Variants in PPP2R1A observed in about 807,000 individuals in gnomAD.
PPP2R1A encodes serine/threonine-protein phosphatase 2A 65 kDa regulatory subunit A alpha isoform.
In PPP2R1A, 15 loss-of-function variants were observed where a neutral mutation model predicts 67.1. The ratio of observed to expected loss-of-function variants is 0.22; its 90% CI spans 0.15 to 0.34. The LOEUF (loss-of-function observed/expected upper bound fraction) is 0.34. Ranked by LOEUF, PPP2R1A falls within the 10% of genes least tolerant of loss-of-function variation. The pLI, the probability that PPP2R1A is intolerant of heterozygous loss-of-function variation, is 1.00. For missense variants in PPP2R1A, 369 were observed against 775.0 expected (o/e 0.48, Z 6.22); for synonymous variants, 337 against 325.0 (o/e 1.04, Z -0.40).
chr19:52,216,381 T>G lies in PPP2R1A; in HGVS notation c.994-148T>G, dbSNP rs1272260914. The G allele has an allele frequency of 9.2e-7, 1 of 1,087,376 alleles. No individual in the cohort carries two copies. Among genetic ancestry groups the G allele is most frequent in the Non-Finnish European group, 1.3e-6 (1 of 764,732 alleles). The allele number at this position is 1,087,376 out of a possible 1,614,324, so 67.4% of individuals were successfully genotyped here. On this transcript the variant is annotated intron_variant, in intron 8 of 14. Coordinates refer to ENST00000322088, the MANE Select transcript of PPP2R1A (RefSeq NM_014225.6). This position sits in a 1 kb window ranked among gnomAD's most constrained non-coding sequence, Gnocchi z 4.3. Reference sequence around the variant, plus strand: ...AGTAGGTGGTACTCATAAGGAATAGTGATTTCCCCTGTACCCTAAGCCATC... The same window carrying G: ...AGTAGGTGGTACTCATAAGGAATAGGGATTTCCCCTGTACCCTAAGCCATC...
chr19:52,216,825 C>G lies in PPP2R1A; in HGVS notation c.1128+162C>G, dbSNP rs552792137. Among the ~76,000 whole-genome samples the G allele has an allele frequency of 6.6e-6, 1 of 152,186 alleles. No individual in the cohort carries two copies. The highest frequency in any genetic ancestry group is 2.4e-5 in the African/African-American group (1 of 41,446). On this transcript the variant is annotated intron_variant, in intron 9 of 14. Transcript: ENST00000322088. This position sits in a 1 kb window ranked among gnomAD's most constrained non-coding sequence, Gnocchi z 4.3. ...TTGTGGGCATAGCTGTGTGTTCATG[C>G]GTTCATTCCTCCAGGCACTCTTCAT... is the stretch of plus-strand genomic sequence containing the variant.
At chr19:52,207,274 G>C (rs745849923) in intron 3 of PPP2R1A, among the ~76,000 whole-genome samples, 7 of 152,130 alleles carry the variant, frequency 4.6e-5, no homozygotes, top group Non-Finnish European at 7.4e-5. Context: ...GCCCCTGCCT[G>C]GTATTTGTCA....
intron 1 of PPP2R1A, among the ~76,000 whole-genome samples, chr19:52,192,036 A>G (rs922351163): frequency 6.6e-6 from 1 of 152,164 alleles, no homozygotes; most frequent in African/African-American, 2.4e-5. Context: ...GGGGATAAGC[A>G]TTAGGGAGAC....
intron 3 of PPP2R1A, among the ~76,000 whole-genome samples, chr19:52,206,852 T>C (rs1016077677): frequency 5.3e-5 from 8 of 152,164 alleles, no homozygotes; most frequent in African/African-American, 1.9e-4. Context: ...CCACTGCTGC[T>C]GCCTCTGCCT....
chr19:52,214,474 A>G (rs1401653921), intron 6 of PPP2R1A, among the ~76,000 whole-genome samples: 2 of 152,226 alleles, frequency 1.3e-5, no homozygotes, highest in Non-Finnish European at 2.9e-5. Context: ...TAAAAATTCC[A>G]TGAGGGCAGG....
intron 1 of PPP2R1A, chr19:52,200,946 A>ACATAACTT (rs2089541558): frequency 1.3e-5 from 2 of 148,264 alleles, no homozygotes; most frequent in African/African-American, 5.1e-5. Flanking sequence ...ACGTCACTGG[A>ACATAACTT]TTCAAGGCTA....
At position 52,226,729 on chromosome 19, in the gene PPP2R1A, G is replaced by A. The variant is rs543587224; in HGVS notation, c.*748G>A. Reference sequence around the variant, plus strand: ...ATTGTGGCTCCTTCAGTTAATAGACGTGTGACTAGGAGTAGCTTGTTAAGT... The same window carrying A: ...ATTGTGGCTCCTTCAGTTAATAGACATGTGACTAGGAGTAGCTTGTTAAGT... On this transcript the variant is annotated 3_prime_UTR_variant, in exon 15 of 15. Transcript: ENST00000322088. 10 of 161,760 alleles carry A rather than the reference G, an allele frequency of 6.2e-5. No individual in the cohort carries two copies. The East Asian group carries it at 1.3e-3, about 20-fold the overall frequency. The allele number at this position is 161,760 out of a possible 1,614,324, so 10.0% of individuals were successfully genotyped here. A position where few individuals can be genotyped will look rare whatever the true frequency, so the allele number is the denominator to read the frequency against.
chr19:52,210,440 T>G (rs2089653543), intron 3 of PPP2R1A, among the ~76,000 whole-genome samples: 2 of 151,980 alleles, frequency 1.3e-5, no homozygotes, highest in South Asian at 4.1e-4. Flanking sequence ...GACCTGTAGC[T>G]ATTACTAGCT....
chr19:52,213,232 A>G lies in PPP2R1A; in HGVS notation c.807+122A>G, dbSNP rs1226483064. ...AACCATTGGGCGTTTGAGCAATAAG[A>G]TCTCTATGATCATCTAACTGCGTCT... On this transcript the variant is annotated intron_variant, in intron 6 of 14. Coordinates refer to ENST00000322088, the MANE Select transcript of PPP2R1A (RefSeq NM_014225.6). The surrounding 1 kb of genome is among the most constrained non-coding windows in gnomAD (Gnocchi z 4.2). The G allele has an allele frequency of 4.1e-6, 5 of 1,224,180 alleles. No homozygotes were observed. The African/African-American group carries it at 7.7e-5, about 19-fold the overall frequency. 75.8% of individuals were successfully genotyped at this position (1,224,180 alleles called of 1,614,324 possible).
chr19:52,194,735 G>A (rs1191686038), intron 1 of PPP2R1A, among the ~76,000 whole-genome samples: 1 of 152,112 alleles, frequency 6.6e-6, no homozygotes, highest in African/African-American at 2.4e-5. Flanking sequence ...CCCCTCTTTG[G>A]ACCCAGATTC....
chr19:52,216,167 C>A lies in PPP2R1A; in HGVS notation c.993+93C>A. 1 of 1,413,854 alleles carries A rather than the reference C, an allele frequency of 7.1e-7. No homozygotes were observed. The highest frequency in any genetic ancestry group is 9.9e-7 in the Non-Finnish European group (1 of 1,010,450). The allele number at this position is 1,413,854 out of a possible 1,614,324, so 87.6% of individuals were successfully genotyped here. A position where few individuals can be genotyped will look rare whatever the true frequency, so the allele number is the denominator to read the frequency against. ...GGCTTTGGGGATAGTCAGCTGCAAA[C>A]TAGGTTCCCAGCCCTCTGGGACCAG... On this transcript the variant is annotated intron_variant, in intron 8 of 14. Coordinates refer to ENST00000322088, the MANE Select transcript of PPP2R1A (RefSeq NM_014225.6). The surrounding 1 kb of genome is among the most constrained non-coding windows in gnomAD (Gnocchi z 4.3).
At chr19:52,205,596 T>C (rs1482833624) in intron 2 of PPP2R1A, among the ~76,000 whole-genome samples, 1 of 152,194 alleles carries the variant, frequency 6.6e-6, no homozygotes, top group African/African-American at 2.4e-5. Context: ...AAAAAAGCTC[T>C]CGTTGACCAT....
In PPP2R1A at chr19:52,213,749, G is replaced by A. The variant is rs1600168855; in HGVS notation, c.807+639G>A. Reference sequence around the variant, plus strand: ...GATCCGCCTGCCTTCATCTCCCAAAGTGCTGGGATTACAGGTGTTAGCCAC... The same window carrying A: ...GATCCGCCTGCCTTCATCTCCCAAAATGCTGGGATTACAGGTGTTAGCCAC... On this transcript the variant is annotated intron_variant, in intron 6 of 14. Transcript: ENST00000322088. The surrounding 1 kb of genome is among the most constrained non-coding windows in gnomAD (Gnocchi z 4.2). Among the ~76,000 whole-genome samples the A allele has an allele frequency of 2.0e-5, 3 of 152,120 alleles. No homozygotes were observed. The highest frequency in any genetic ancestry group is 2.0e-4 in the Admixed American group (3 of 15,286).
rs112750288 is a variant in PPP2R1A, at chr19:52,223,051, A to G, written c.1661+810A>G. On this transcript the variant is annotated intron_variant, in intron 13 of 14. Coordinates refer to ENST00000322088, the MANE Select transcript of PPP2R1A (RefSeq NM_014225.6). ...AGAGACGAAGACTTATGACACCACA[A>G]TAATTAAAATAGATGTGAACACAAG... 6.1e-3 allele frequency among the ~76,000 whole-genome samples: 936 copies of G among 152,340 alleles called. 10 individuals carry two copies. Among genetic ancestry groups the G allele is most frequent in the African/African-American group, 0.021 (876 of 41,568 alleles).
At chr19:52,193,284 G>T (rs2089470614) in intron 1 of PPP2R1A, among the ~76,000 whole-genome samples, 1 of 152,230 alleles carries the variant, frequency 6.6e-6, no homozygotes, top group Admixed American at 6.5e-5. Context: ...ATATTCATAT[G>T]CCAGACATTT....
chr19:52,214,055 A>AT (rs1978422229), intron 6 of PPP2R1A, among the ~76,000 whole-genome samples: 1 of 152,080 alleles, frequency 6.6e-6, no homozygotes, highest in Non-Finnish European at 1.5e-5. Context: ...AGACAGACAG[A>AT]TGTGGGGCCT....
chr19:52,224,378 TG>T (rs1358318066), intron 13 of PPP2R1A, among the ~76,000 whole-genome samples: 2 of 152,358 alleles, frequency 1.3e-5, no homozygotes, highest in East Asian at 3.9e-4. Context: ...TCTGGGCTCC[TG>T]GAGGACCAGG....
chr19:52,202,154 C>T (rs1029635692), intron 2 of PPP2R1A, 120 bp downstream of exon 2: 6 of 823,340 alleles, frequency 7.3e-6, no homozygotes, highest in Non-Finnish European at 1.2e-5. Flanking sequence ...GTGTTAGACA[C>T]TATGGAGTGG....
Position 52,219,929 on chromosome 19 carries a change from G to A in PPP2R1A, c.1302+65G>A. ...GGGGAGGTGCAGTATGTCCAGGGCT[G>A]TGATGGGGAAACGGGGCTTTGAAGG... On this transcript the variant is annotated intron_variant, in intron 10 of 14. Transcript: ENST00000322088. The surrounding 1 kb of genome is among the most constrained non-coding windows in gnomAD (Gnocchi z 4.0). 3 of 1,529,234 alleles carry A rather than the reference G, an allele frequency of 2.0e-6. No individual in the cohort carries two copies. Among genetic ancestry groups the A allele is most frequent in the East Asian group, 2.3e-5 (1 of 43,672 alleles). 94.7% of individuals were successfully genotyped at this position (1,529,234 alleles called of 1,614,324 possible).
Sources: allele counts gnomAD v4.1 joint callset (sites outside exome capture counted in the v4.1 genomes callset), GRCh38; gene constraint gnomAD v4.1.1; non-coding constraint Gnocchi (gnomAD v3.1); transcripts MANE v1.5; gene names NCBI Gene and HGNC (gene_info 2026-07-23, HGNC 2026-07-21).